MYO16: variants seen among roughly 807,000 people sequenced by gnomAD.
MYO16 encodes the protein unconventional myosin-XVI.
In MYO16, 94 loss-of-function variants were observed where a neutral mutation model predicts 205.3. The ratio of observed to expected loss-of-function variants is 0.46; its 90% CI spans 0.39 to 0.54. The LOEUF (loss-of-function observed/expected upper bound fraction) is 0.54. Ranked by LOEUF, MYO16 falls within the 20% of genes least tolerant of loss-of-function variation. MYO16 has a pLI of 0.00. For synonymous variants in MYO16, 988 were observed against 954.0 expected (o/e 1.04, Z -0.66); for missense variants, 2,315 against 2,387.5 (o/e 0.97, Z 0.63).
intron 2 of MYO16, among the ~76,000 whole-genome samples, chr13:108,698,051 A>C (rs764347226): frequency 1.3e-5 from 2 of 152,032 alleles, no homozygotes; most frequent in Non-Finnish European, 2.9e-5. Context: ...CTCTGCCTTC[A>C]TTCCTCCTCT....
the MYO16 span, among the ~76,000 whole-genome samples, chr13:108,558,211 C>T: frequency 1.3e-5 from 2 of 152,154 alleles, no homozygotes; most frequent in Admixed American, 6.5e-5. Context: ...TTTTATACAA[C>T]GTATTCACTG....
intron 4 of MYO16, among the ~76,000 whole-genome samples, chr13:108,765,559 A>C (rs969700430): frequency 6.6e-6 from 1 of 152,148 alleles, no homozygotes; most frequent in Non-Finnish European, 1.5e-5. Context: ...ACACTAAATA[A>C]TTATGCTTCT....
chr13:109,170,007 T>C (rs1209310281), intron 33 of MYO16, among the ~76,000 whole-genome samples: 4 of 152,170 alleles, frequency 2.6e-5, no homozygotes, highest in Non-Finnish European at 5.9e-5. Flanking sequence ...ATTATAGATC[T>C]GTATGTCAAA....
chr13:109,036,444 T>C (rs1566474586), intron 23 of MYO16, among the ~76,000 whole-genome samples: 1 of 152,174 alleles, frequency 6.6e-6, no homozygotes, highest in Non-Finnish European at 1.5e-5. Context: ...ATAGATGACA[T>C]AATTTATCTT....
At chr13:108,886,140 A>G (rs1024996169) in intron 13 of MYO16, among the ~76,000 whole-genome samples, 1 of 152,016 alleles carries the variant, frequency 6.6e-6, no homozygotes, top group Admixed American at 6.5e-5. Context: ...GGCGCCCGCC[A>G]TCACGCCCGG....
At chr13:108,919,489 C>T (rs549096332) in intron 16 of MYO16, among the ~76,000 whole-genome samples, 64 of 152,354 alleles carry the variant, frequency 4.2e-4, no homozygotes, top group African/African-American at 1.4e-3. Flanking sequence ...GAGCGATTGT[C>T]GTTAACCGGT....
At chr13:108,894,605 G>T (rs962142465) in intron 14 of MYO16, among the ~76,000 whole-genome samples, 4 of 152,154 alleles carry the variant, frequency 2.6e-5, no homozygotes, top group African/African-American at 9.7e-5. Flanking sequence ...ATGACTTTTG[G>T]TGATTATATG....
intron 9 of MYO16, among the ~76,000 whole-genome samples, chr13:108,828,618 G>A (rs1876418521): frequency 6.6e-6 from 1 of 152,118 alleles, no homozygotes; most frequent in South Asian, 2.1e-4. Flanking sequence ...AGATGACGCA[G>A]GGTAGGGGCC....
At chr13:108,943,199 C>A (rs1178836273) in intron 16 of MYO16, among the ~76,000 whole-genome samples, 4 of 152,154 alleles carry the variant, frequency 2.6e-5, no homozygotes, top group African/African-American at 9.7e-5. Context: ...TTTTACCTGT[C>A]CACACTAGGA....
At chr13:109,012,663 A>G (rs1307454925) in intron 22 of MYO16, among the ~76,000 whole-genome samples, 7 of 151,984 alleles carry the variant, frequency 4.6e-5, no homozygotes, top group African/African-American at 1.7e-4. Flanking sequence ...AGTCTAAACC[A>G]TGTGGTCAGA....
At chr13:108,706,394 T>C (rs1354675206) in intron 2 of MYO16, among the ~76,000 whole-genome samples, 1 of 152,158 alleles carries the variant, frequency 6.6e-6, no homozygotes, top group Non-Finnish European at 1.5e-5. Flanking sequence ...TATCTCAGTG[T>C]GATCCTTGAG....
chr13:108,964,696 T>A, intron 19 of MYO16, 65 bp from the exon 20 acceptor site: 1 of 1,547,522 alleles, frequency 6.5e-7, no homozygotes, highest in Non-Finnish European at 8.8e-7. Flanking sequence ...ATATGTGGAG[T>A]TTTGGTTGGC....
chr13:108,720,736 C>T (rs1884131982), intron 3 of MYO16, among the ~76,000 whole-genome samples: 1 of 152,170 alleles, frequency 6.6e-6, no homozygotes, highest in African/African-American at 2.4e-5. Context: ...GAAGGGGAAG[C>T]TTGCATTGTA....
intron 4 of MYO16, among the ~76,000 whole-genome samples, chr13:108,767,115 T>G (rs1223991675): frequency 6.8e-6 from 1 of 146,076 alleles, no homozygotes; most frequent in Non-Finnish European, 1.5e-5. Context: ...TTTTGTTTTG[T>G]TTTGAGACAG....
the MYO16 span, among the ~76,000 whole-genome samples, chr13:108,582,910 C>T: frequency 6.6e-6 from 1 of 152,038 alleles, no homozygotes; most frequent in Non-Finnish European, 1.5e-5. Flanking sequence ...AGGTCATTCA[C>T]CCCAAATTGG....
chr13:108,715,999 T>C (rs528738382), intron 3 of MYO16, among the ~76,000 whole-genome samples: 5 of 151,952 alleles, frequency 3.3e-5, no homozygotes, highest in African/African-American at 1.2e-4. Flanking sequence ...TGAATACTTG[T>C]CCAAGGTCTC....
intron 2 of MYO16, among the ~76,000 whole-genome samples, chr13:108,668,398 GC>G (rs1394403647): frequency 1.3e-5 from 2 of 152,140 alleles, no homozygotes; most frequent in African/African-American, 4.8e-5. Flanking sequence ...TGATTACCTG[GC>G]TATAGGGAGT....
intron 24 of MYO16, among the ~76,000 whole-genome samples, chr13:109,048,153 A>ATGTGTG (rs34750704): frequency 1.4e-5 from 2 of 141,084 alleles, no homozygotes; most frequent in African/African-American, 2.6e-5. Flanking sequence ...TTAATAGGAT[A>ATGTGTG]TGTGTGTGTG....
At chr13:108,781,723 C>T (rs1053420295) in intron 4 of MYO16, among the ~76,000 whole-genome samples, 3 of 152,048 alleles carry the variant, frequency 2.0e-5, no homozygotes, top group Admixed American at 6.6e-5. Flanking sequence ...CACAGAATTC[C>T]CACTTCTTGT....
Sources: allele counts gnomAD v4.1 joint callset (sites outside exome capture counted in the v4.1 genomes callset), GRCh38; gene constraint gnomAD v4.1.1; transcripts MANE v1.5; gene names NCBI Gene and HGNC (gene_info 2026-07-23, HGNC 2026-07-21).